TMPRSS2: variants seen among roughly 807,000 people sequenced by gnomAD.
The protein encoded by TMPRSS2 is transmembrane serine protease 2, also known as transmembrane protease serine 2.
A neutral mutation model predicts 67.4 loss-of-function variants in TMPRSS2; 59 were observed. That is an observed-to-expected ratio of 0.88 (90% CI 0.71 to 1.09). The LOEUF (loss-of-function observed/expected upper bound fraction) is 1.09, where lower values mean the gene tolerates loss of function less well. Ranked by LOEUF, TMPRSS2 falls within the 50% of genes least tolerant of loss-of-function variation. TMPRSS2 has a pLI of 0.00. For missense variants in TMPRSS2, 668 were observed against 642.7 expected (o/e 1.04, Z -0.43); for synonymous variants, 257 against 257.0 (o/e 1.00, Z 0.00).
chr21:41,497,068 C>CA (rs2091389017), intron 2 of TMPRSS2, among the ~76,000 whole-genome samples: 1 of 151,878 alleles, frequency 6.6e-6, no homozygotes, highest in African/African-American at 2.4e-5. Flanking sequence ...CTCGAACTCC[C>CA]AACCTCAGGT....
At chr21:41,477,900 A>G (rs2091227548) in intron 7 of TMPRSS2, among the ~76,000 whole-genome samples, 1 of 151,954 alleles carries the variant, frequency 6.6e-6, no homozygotes, top group Admixed American at 6.6e-5. Flanking sequence ...CACCACCGAG[A>G]TAGAATAGAG....
At position 41,464,570 on chromosome 21, in the gene TMPRSS2, G is replaced by A. The variant is rs551045243; in HGVS notation, c.*1572C>T. On this transcript the variant is annotated 3_prime_UTR_variant, in exon 14 of 14. Transcript: ENST00000332149. Reference sequence around the variant, plus strand: ...CAGTAGTTACTTTGAAAAAAAAATTGCATAATTTATTTGCATGATATTCAT... The same window carrying A: ...CAGTAGTTACTTTGAAAAAAAAATTACATAATTTATTTGCATGATATTCAT... 19 of 224,834 alleles carry A rather than the reference G, an allele frequency of 8.5e-5. 1 individual carries two copies. The highest frequency in any genetic ancestry group is 1.9e-4 in the East Asian group (3 of 15,714). The allele number at this position is 224,834 out of a possible 1,614,324, so 13.9% of individuals were successfully genotyped here.
chr21:41,482,891 C>G (rs773673488), intron 5 of TMPRSS2, among the ~76,000 whole-genome samples: 2 of 152,186 alleles, frequency 1.3e-5, no homozygotes, highest in Non-Finnish European at 2.9e-5. Flanking sequence ...AACGCTACAA[C>G]ATCCTGAAAA....
intron 5 of TMPRSS2, among the ~76,000 whole-genome samples, chr21:41,481,134 T>A (rs964096439): frequency 1.3e-5 from 2 of 152,222 alleles, no homozygotes; most frequent in Non-Finnish European, 2.9e-5. Context: ...CTTGTACAAA[T>A]GTTCACTGCA....
intron 12 of TMPRSS2, chr21:41,468,181 A>G (rs1056181980): frequency 1.6e-6 from 1 of 637,048 alleles, no homozygotes; most frequent in South Asian, 2.1e-5. Flanking sequence ...TTTACCAAAT[A>G]CCGGTTTTTC....
intron 5 of TMPRSS2, chr21:41,488,095 C>A (rs764132070): frequency 1.2e-5 from 3 of 242,832 alleles, no homozygotes; most frequent in Non-Finnish European, 2.6e-5. Flanking sequence ...TCCTAGCCTG[C>A]ATCTCCAACT....
At chr21:41,500,894 C>A (rs1037770679) in intron 1 of TMPRSS2, among the ~76,000 whole-genome samples, 3 of 152,208 alleles carry the variant, frequency 2.0e-5, no homozygotes, top group Non-Finnish European at 2.9e-5. Flanking sequence ...CAGGACAGAA[C>A]TCAGTACCAT....
intron 12 of TMPRSS2, 52 bp downstream of exon 12, chr21:41,468,344 G>T: frequency 1.6e-5 from 26 of 1,603,266 alleles, no homozygotes; most frequent in Non-Finnish European, 2.2e-5. Context: ...TCTCATGGGG[G>T]GTTCAGTAGG....
At chr21:41,470,355 G>A (rs1454760090) in intron 11 of TMPRSS2, among the ~76,000 whole-genome samples, 1 of 152,152 alleles carries the variant, frequency 6.6e-6, no homozygotes, top group African/African-American at 2.4e-5. Flanking sequence ...AACTCACAAT[G>A]AGTGCAACAC....
intron 12 of TMPRSS2, 106 bp from the exon 13 acceptor site, chr21:41,467,992 T>C: frequency 8.0e-7 from 1 of 1,244,108 alleles, no homozygotes; most frequent in Non-Finnish European, 1.1e-6. Flanking sequence ...CAGTGTGAGT[T>C]ACGAGTGACT....
chr21:41,488,604 C>T (rs961207272), intron 4 of TMPRSS2, 91 bp from the exon 5 acceptor site: 10 of 1,395,684 alleles, frequency 7.2e-6, no homozygotes, highest in South Asian at 2.6e-5. Flanking sequence ...TACTGTAGCT[C>T]GCTGCAGCCT....
chr21:41,480,890 G>A (rs764315150), intron 5 of TMPRSS2, among the ~76,000 whole-genome samples: 4 of 152,046 alleles, frequency 2.6e-5, no homozygotes, highest in Admixed American at 1.3e-4. Context: ...CCCCTGCCTC[G>A]GTCTCCCAAA....
chr21:41,479,029 T>C, intron 7 of TMPRSS2, 143 bp downstream of exon 7: 1 of 637,078 alleles, frequency 1.6e-6, no homozygotes, highest in South Asian at 2.0e-5. Context: ...CCAGGCCTGG[T>C]CAGACTCTAA....
At chr21:41,482,526 G>C (rs927957486) in intron 5 of TMPRSS2, among the ~76,000 whole-genome samples, 2 of 152,224 alleles carry the variant, frequency 1.3e-5, no homozygotes, top group African/African-American at 4.8e-5. Context: ...AAAGTATAAA[G>C]TGAGGACCTG....
chr21:41,475,654 GA>G (rs2091205332), intron 8 of TMPRSS2, among the ~76,000 whole-genome samples: 1 of 78,898 alleles, frequency 1.3e-5, no homozygotes, highest in Admixed American at 1.2e-4. Context: ...GGAGGTGAGT[GA>G]GGGTTGAGGG....
chr21:41,473,516 G>C lies in TMPRSS2; in HGVS notation c.728-20C>G, dbSNP rs1305297409. On this transcript the variant is annotated intron_variant, in intron 8 of 13. Transcript: ENST00000332149. ...CGCAGGCTGAGGATGACAAACAGGA[G>C]GCCAGTGGGGTGAGACCAGCAGAAG... The C allele has an allele frequency of 2.4e-5, 39 of 1,596,040 alleles. No individual in the cohort carries two copies. The highest frequency in any genetic ancestry group is 3.2e-5 in the Non-Finnish European group (38 of 1,170,670).
intron 1 of TMPRSS2, among the ~76,000 whole-genome samples, chr21:41,499,178 A>T (rs2091406731): frequency 6.6e-6 from 1 of 152,240 alleles, no homozygotes; most frequent in Non-Finnish European, 1.5e-5. Context: ...AGAAATTCAG[A>T]GCCAACCATT....
At chr21:41,494,632 GT>G in intron 2 of TMPRSS2, 54 bp from the exon 3 acceptor site, 1 of 1,485,270 alleles carries the variant, frequency 6.7e-7, no homozygotes, top group Non-Finnish European at 9.4e-7. Flanking sequence ...GCACTAAAGG[GT>G]TACATACAAA....
At chr21:41,505,853 T>C (rs946132126) in intron 1 of TMPRSS2, among the ~76,000 whole-genome samples, 2 of 152,188 alleles carry the variant, frequency 1.3e-5, no homozygotes, top group African/African-American at 4.8e-5. Context: ...AAGCATCCTG[T>C]GTCTCCAACT....
Sources: gnomAD v4.1 joint callset for allele counts (sites outside exome capture counted in the v4.1 genomes callset) on GRCh38, gnomAD v4.1.1 for gene constraint, MANE v1.5 for transcripts, NCBI Gene and HGNC (gene_info 2026-07-23, HGNC 2026-07-21) for gene names.